The following KIRREL3 variants were observed in gnomAD, a reference collection of about 807,000 sequenced individuals.
The protein encoded by KIRREL3 is kin of IRRE-like protein 3.
In KIRREL3, 36 loss-of-function variants were observed where a neutral mutation model predicts 89.7. The observed-to-expected ratio is 0.40, with a 90% CI of 0.31 to 0.53. The LOEUF is 0.53. Among genes scored for constraint, KIRREL3 ranks in the 20% least tolerant of loss-of-function variants. KIRREL3 has a pLI of 0.49. For synonymous variants in KIRREL3, 445 were observed against 441.4 expected (o/e 1.01, Z -0.10); for missense variants, 864 against 1,056.6 (o/e 0.82, Z 2.53).
rs1955082443 is a variant in KIRREL3, at chr11:126,430,277, T to C, written c.1697-989A>G. On this transcript the variant is annotated intron_variant, in intron 14 of 16. Transcript: ENST00000525144. The surrounding 1 kb of genome is among the most constrained non-coding windows in gnomAD (Gnocchi z 6.6). The stretch of plus-strand genomic sequence containing the variant: ...CTGGGCAACATGGTGAAATCCTGTC[T>C]CTGCAAAAAATTAAAAAAATAGCAA... Among the ~76,000 whole-genome samples, 1 of 152,018 alleles carries C rather than the reference T, an allele frequency of 6.6e-6. No individual in the cohort carries two copies. Among genetic ancestry groups the C allele is most frequent in the South Asian group, 2.1e-4 (1 of 4,816 alleles).
In KIRREL3 at chr11:126,844,048, T is replaced by C. The variant is rs1944052595; in HGVS notation, c.55+156407A>G. The stretch of plus-strand genomic sequence containing the variant: ...ATAAACTTGCTTTCACTTTATGCTC[T>C]GGACTCGCCCTGAATTCTTTCTTGT... On this transcript the variant is annotated intron_variant, in intron 1 of 16. Transcript: ENST00000525144. This position sits in a 1 kb window ranked among gnomAD's most constrained non-coding sequence, Gnocchi z 4.8. Among the ~76,000 whole-genome samples, 1 of 152,252 alleles carries C rather than the reference T, an allele frequency of 6.6e-6. No individual in the cohort carries two copies. Among genetic ancestry groups the C allele is most frequent in the Admixed American group, 6.5e-5 (1 of 15,286 alleles).
intron 4 of KIRREL3, among the ~76,000 whole-genome samples, chr11:126,497,512 A>T (rs575398757): frequency 6.6e-6 from 1 of 152,006 alleles, no homozygotes; most frequent in Non-Finnish European, 1.5e-5. Context: ...GCCACAACGC[A>T]CTCTTCCCAG....
In KIRREL3 at chr11:126,924,544, C is replaced by T. The variant is rs907426682; in HGVS notation, c.55+75911G>A. ...CAAGGAACATCTTTGGCTTCACACA[C>T]CCGACCCACAGACTGCGCTTCAGCT... On this transcript the variant is annotated intron_variant, in intron 1 of 16. Transcript: ENST00000525144. The surrounding 1 kb of genome is among the most constrained non-coding windows in gnomAD (Gnocchi z 4.7). Among the ~76,000 whole-genome samples, 2 of 152,202 alleles carry T rather than the reference C, an allele frequency of 1.3e-5. No individual in the cohort carries two copies. Among genetic ancestry groups the T allele is most frequent in the African/African-American group, 4.8e-5 (2 of 41,456 alleles).
rs149951064 is a variant in KIRREL3, at chr11:126,877,592, C to T, written c.55+122863G>A. Among the ~76,000 whole-genome samples, 68 of 152,256 alleles carry T rather than the reference C, an allele frequency of 4.5e-4. No homozygotes were observed. The highest frequency in any genetic ancestry group is 1.2e-3 in the African/African-American group (51 of 41,534). On this transcript the variant is annotated intron_variant, in intron 1 of 16. Transcript: ENST00000525144. This position sits in a 1 kb window ranked among gnomAD's most constrained non-coding sequence, Gnocchi z 4.9. ...CTAAAATAATTCCAGAATCAATTGA[C>T]GTAGATGAAAGCATTTTTGACTTGG...
At chr11:126,823,421 G>A (rs1467491914) in intron 1 of KIRREL3, among the ~76,000 whole-genome samples, 1 of 152,122 alleles carries the variant, frequency 6.6e-6, no homozygotes, top group Non-Finnish European at 1.5e-5. Context: ...CAGGCAGAAT[G>A]GCCTCAGCAG....
At chr11:126,790,783 GCA>G (rs1353812001) in intron 1 of KIRREL3, among the ~76,000 whole-genome samples, 1 of 152,084 alleles carries the variant, frequency 6.6e-6, no homozygotes, top group African/African-American at 2.4e-5. Context: ...GCTCTGTGGA[GCA>G]GCCACATCTG....
At chr11:126,634,538 C>T (rs577307024) in intron 1 of KIRREL3, among the ~76,000 whole-genome samples, 7 of 152,122 alleles carry the variant, frequency 4.6e-5, no homozygotes, top group African/African-American at 1.2e-4. Context: ...TGAGTGGAGG[C>T]GCCACTTGGG....
chr11:126,712,264 AGTGTGT>A (rs3045186), intron 1 of KIRREL3, among the ~76,000 whole-genome samples: 3 of 149,642 alleles, frequency 2.0e-5, no homozygotes, highest in East Asian at 2.0e-4. Flanking sequence ...GATAAGGGCG[AGTGTGT>A]GTGTGTGTGT....
At chr11:126,923,842 C>T (rs763085735) in intron 1 of KIRREL3, among the ~76,000 whole-genome samples, 5 of 152,144 alleles carry the variant, frequency 3.3e-5, no homozygotes, top group Non-Finnish European at 7.3e-5. Context: ...CCCTATGTAC[C>T]CGAATATTTA....
At position 126,843,789 on chromosome 11, in the gene KIRREL3, T is replaced by C. The variant is rs549940565; in HGVS notation, c.55+156666A>G. On this transcript the variant is annotated intron_variant, in intron 1 of 16. Transcript: ENST00000525144. The surrounding 1 kb of genome is among the most constrained non-coding windows in gnomAD (Gnocchi z 4.6). ...TGGCTAAAACCCACCAAAATCAAGA[T>C]GGCAACAAGAATGACCTCTGGTCAT... Among the ~76,000 whole-genome samples, 6 of 152,194 alleles carry C rather than the reference T, an allele frequency of 3.9e-5. No homozygotes were observed. The highest frequency in any genetic ancestry group is 1.4e-4 in the African/African-American group (6 of 41,534).
intron 11 of KIRREL3, among the ~76,000 whole-genome samples, chr11:126,438,422 G>A (rs971349058): frequency 6.6e-6 from 1 of 152,228 alleles, no homozygotes; most frequent in Non-Finnish European, 1.5e-5. Context: ...ACGCTGGACT[G>A]ACCCATTCCT....
intron 4 of KIRREL3, among the ~76,000 whole-genome samples, chr11:126,517,200 A>G (rs1434046340): frequency 2.7e-5 from 4 of 148,204 alleles, no homozygotes; most frequent in South Asian, 2.1e-4. Context: ...CAACAATTCT[A>G]TGACATTGGT....
intron 4 of KIRREL3, among the ~76,000 whole-genome samples, chr11:126,504,498 T>C (rs928071045): frequency 3.9e-5 from 6 of 152,186 alleles, no homozygotes; most frequent in Admixed American, 2.0e-4. Context: ...AAAATATGAA[T>C]TGACCTATAT....
chr11:126,901,239 G>A (rs1285808306), intron 1 of KIRREL3, among the ~76,000 whole-genome samples: 1 of 149,012 alleles, frequency 6.7e-6, no homozygotes, highest in East Asian at 1.9e-4. Context: ...AAAAGACTCT[G>A]GGATATTCCT....
chr11:126,931,937 G>A lies in KIRREL3; in HGVS notation c.55+68518C>T, dbSNP rs184873417. ...AAGGATTTTATTTCCACAGCTACCT[G>A]GAGAAGAAAATTCATCATCACCCTC... On this transcript the variant is annotated intron_variant, in intron 1 of 16. Transcript: ENST00000525144. This position sits in a 1 kb window ranked among gnomAD's most constrained non-coding sequence, Gnocchi z 5.1. Among the ~76,000 whole-genome samples the A allele has an allele frequency of 6.6e-6, 1 of 152,230 alleles. No individual in the cohort carries two copies. The highest frequency in any genetic ancestry group is 1.9e-4 in the East Asian group (1 of 5,174).
rs537418270 is a variant in KIRREL3, at chr11:126,535,215, C to G, written c.134-8528G>C. 5.3e-5 allele frequency among the ~76,000 whole-genome samples: 8 copies of G among 152,110 alleles called. No individual in the cohort carries two copies. The highest frequency in any genetic ancestry group is 1.9e-4 in the African/African-American group (8 of 41,428). On this transcript the variant is annotated intron_variant, in intron 2 of 16. Coordinates refer to ENST00000525144, the MANE Select transcript of KIRREL3 (RefSeq NM_032531.4). This position sits in a 1 kb window ranked among gnomAD's most constrained non-coding sequence, Gnocchi z 4.5. Reference sequence around the variant, plus strand: ...CCTCCTGACTGCTCTTCCCAAAAGCCCCCTCTAGATTTCCCTCCTGCGCTT... The same window carrying G: ...CCTCCTGACTGCTCTTCCCAAAAGCGCCCTCTAGATTTCCCTCCTGCGCTT...
At position 126,709,412 on chromosome 11, in the gene KIRREL3, A is replaced by C. The variant is rs574127068; in HGVS notation, c.56-146500T>G. On this transcript the variant is annotated intron_variant, in intron 1 of 16. Transcript: ENST00000525144. The surrounding 1 kb of genome is among the most constrained non-coding windows in gnomAD (Gnocchi z 4.0). ...AACAGGAAAGACAGAGTTCACACCT[A>C]ACTGGCTAAAGTACAGGCAAACACC... is the stretch of plus-strand genomic sequence containing the variant. Among the ~76,000 whole-genome samples, 4 of 152,296 alleles carry C rather than the reference A, an allele frequency of 2.6e-5. No homozygotes were observed. Among genetic ancestry groups the C allele is most frequent in the African/African-American group, 4.8e-5 (2 of 41,562 alleles).
intron 6 of KIRREL3, among the ~76,000 whole-genome samples, chr11:126,458,823 G>A (rs564412812): frequency 2.0e-4 from 30 of 152,302 alleles, no homozygotes; most frequent in Admixed American, 1.9e-3. Context: ...CAAAGATGGG[G>A]TTACAAGGAA....
intron 1 of KIRREL3, among the ~76,000 whole-genome samples, chr11:126,923,607 C>A (rs1181204101): frequency 6.6e-6 from 1 of 151,904 alleles, no homozygotes; most frequent in East Asian, 1.9e-4. Context: ...CCACGCTCAG[C>A]TAATTTTTTG....
Sources: allele counts gnomAD v4.1 joint callset (sites outside exome capture counted in the v4.1 genomes callset), GRCh38; gene constraint gnomAD v4.1.1; non-coding constraint Gnocchi (gnomAD v3.1); transcripts MANE v1.5; gene names NCBI Gene and HGNC (gene_info 2026-07-23, HGNC 2026-07-21).